HRAS: variants seen among roughly 807,000 people sequenced by gnomAD.
HRAS encodes GTPase HRas.
In HRAS, 11 loss-of-function variants were observed where a neutral mutation model predicts 19.8. The ratio of observed to expected loss-of-function variants is 0.55; its 90% CI spans 0.35 to 0.92. HRAS has a LOEUF of 0.92. Among genes scored for constraint, HRAS ranks in the 40% least tolerant of loss-of-function variants. The pLI is 0.01. For missense variants in HRAS, 204 were observed against 255.9 expected (o/e 0.80, Z 1.38); for synonymous variants, 149 against 105.5 (o/e 1.41, Z -2.52).
Position 535,318 on chromosome 11 carries a change from C to T in HRAS, c.-54+98G>A, listed in dbSNP as rs1489282748. On this transcript the variant is annotated intron_variant, in intron 1 of 5. Coordinates refer to ENST00000311189, the MANE Select transcript of HRAS (RefSeq NM_005343.4). ...CCGCCGCCGCCGCCGCCGCCGCTTA[C>T]GCCCGCCGGCCCCGCGCCCCCGGCC... 3.1e-4 allele frequency: 45 copies of T among 146,154 alleles called. No homozygotes were observed. In the East Asian group the frequency reaches 6.4e-3, roughly 21 times the overall value. 9.1% of individuals were successfully genotyped at this position (146,154 alleles called of 1,614,324 possible). A position where few individuals can be genotyped will look rare whatever the true frequency, so the allele number is the denominator to read the frequency against.
chr11:534,399 C>G (rs1411050985), intron 1 of HRAS, 24 bp from the exon 2 acceptor site: 3 of 1,141,840 alleles, frequency 2.6e-6, no homozygotes, highest in Non-Finnish European at 3.8e-6. Context: ...CCCTGCTCAG[C>G]CAGGCCCAGG....
chr11:534,098 G>C, intron 2 of HRAS, 114 bp downstream of exon 2: 2 of 1,168,172 alleles, frequency 1.7e-6, no homozygotes, highest in South Asian at 2.5e-5. Context: ...GGAAGCAGGA[G>C]ACAGGGCCAC....
At chr11:532,882 GC>G in intron 4 of HRAS, 127 bp from the exon 5 acceptor site, 1 of 912,924 alleles carries the variant, frequency 1.1e-6, no homozygotes, top group Non-Finnish European at 1.8e-6. Context: ...ACTTCCCCAG[GC>G]CCACCACACA....
At chr11:534,006 C>T (rs992133771) in intron 2 of HRAS, 62 bp from the exon 3 acceptor site, 7 of 1,549,308 alleles carry the variant, frequency 4.5e-6, no homozygotes, top group South Asian at 1.1e-5. Context: ...TTCACACAGC[C>T]AGCCTCTCCC....
Position 533,907 on chromosome 11 carries a change from G to C in HRAS, c.149C>G (p.Thr50Arg), listed in dbSNP as rs1448375861. ...YRKQVVIDGE[T>R]CLLDILDTAG... ...GGTATCCAGGATGTCCAACAGGCAC[G>C]TCTCCCCATCAATGACCACCTGCTT... Residue 50 changes from threonine (T) to arginine (R), a missense_variant, in exon 3 of 6, where the codon ACG (threonine) becomes AGG (arginine). Physicochemically the swap from Thr to Arg is moderately conservative, Grantham distance 71. Coordinates refer to ENST00000311189, the MANE Select transcript of HRAS (RefSeq NM_005343.4). The C allele has an allele frequency of 6.2e-7, 1 of 1,613,084 alleles. No individual in the cohort carries two copies. Among genetic ancestry groups the C allele is most frequent in the Non-Finnish European group, 8.5e-7 (1 of 1,179,994 alleles).
rs942968261 is a variant in HRAS at position 532,323 on chromosome 11, G to C, written c.*205C>G. The C allele has an allele frequency of 2.3e-5, 12 of 512,248 alleles. No homozygotes were observed. The highest frequency in any genetic ancestry group is 4.3e-5 in the Non-Finnish European group (12 of 280,996). 31.7% of individuals were successfully genotyped at this position (512,248 alleles called of 1,614,324 possible). The stretch of plus-strand genomic sequence containing the variant: ...AGGCCTGGGAGGGGAGCTAAGGGCT[G>C]GGGTTCCGGTGGCATTTGGGATGTT... On this transcript the variant is annotated 3_prime_UTR_variant, in exon 6 of 6. Coordinates refer to ENST00000311189, the MANE Select transcript of HRAS (RefSeq NM_005343.4).
At position 532,455 on chromosome 11, in the gene HRAS, C is replaced by T. The variant is rs1405797450; in HGVS notation, c.*73G>A. The T allele has an allele frequency of 2.8e-5, 24 of 851,212 alleles. No individual in the cohort carries two copies. Among genetic ancestry groups the T allele is most frequent in the Non-Finnish European group, 3.3e-5 (18 of 551,956 alleles). The allele number at this position is 851,212 out of a possible 1,614,324, so 52.7% of individuals were successfully genotyped here. The stretch of plus-strand genomic sequence containing the variant: ...CCCTTCCTTCCTTCCTTGCTTCCGT[C>T]CTTCCTTCCTCCTCCTTCCGTCTGC... On this transcript the variant is annotated 3_prime_UTR_variant, in exon 6 of 6. Transcript: ENST00000311189.
At chr11:534,821 G>C (rs912094780) in intron 1 of HRAS, among the ~76,000 whole-genome samples, 1 of 152,198 alleles carries the variant, frequency 6.6e-6, no homozygotes, top group Non-Finnish European at 1.5e-5. Context: ...AGTATTTGCT[G>C]AGCGCCTACT....
chr11:532,829 G>T, intron 4 of HRAS, 74 bp from the exon 5 acceptor site: 1 of 1,488,548 alleles, frequency 6.7e-7, no homozygotes, highest in Non-Finnish European at 9.3e-7. Context: ...CCCTGCTGTG[G>T]GATCAAGCCT....
intron 4 of HRAS, 147 bp from the exon 5 acceptor site, chr11:532,902 G>A: frequency 2.4e-6 from 2 of 825,764 alleles, no homozygotes; most frequent in Admixed American, 2.0e-5. Context: ...CACACGGGAA[G>A]CTGGACTCTG....
chr11:533,073 A>G (rs1851204409), intron 4 of HRAS, among the ~76,000 whole-genome samples: 1 of 152,138 alleles, frequency 6.6e-6, no homozygotes, highest in Non-Finnish European at 1.5e-5. Flanking sequence ...TAGCCCCACT[A>G]AGACTCAGAA....
At chr11:533,084 C>T (rs569017871) in intron 4 of HRAS, among the ~76,000 whole-genome samples, 2 of 152,358 alleles carry the variant, frequency 1.3e-5, no homozygotes, top group Middle Eastern at 3.4e-3. Flanking sequence ...AGACTCAGAA[C>T]CAACAGGTGC....
At position 533,630 on chromosome 11, in the gene HRAS, A is replaced by G. The variant is rs758646567; in HGVS notation, c.291-18T>C. 9 of 1,613,548 alleles carry G rather than the reference A, an allele frequency of 5.6e-6. No individual in the cohort carries two copies. The highest frequency in any genetic ancestry group is 6.8e-6 in the Non-Finnish European group (8 of 1,179,938). On this transcript the variant is annotated intron_variant, in intron 3 of 5. Coordinates refer to ENST00000311189, the MANE Select transcript of HRAS (RefSeq NM_005343.4). ...TCTGCTCCCTGAGAGGTGGAAAGCG[A>G]GAGCTGGCTACGGGGGCTGCAGGCG...
rs552000625 is a variant in HRAS, at chr11:533,392, C to G, written c.450+61G>C. On this transcript the variant is annotated intron_variant, in intron 4 of 5. Coordinates refer to ENST00000311189, the MANE Select transcript of HRAS (RefSeq NM_005343.4). Reference sequence around the variant, plus strand: ...AGGGAGAGGGTCAGTGAGTGCTGCTCCCTGGCTGGGGCGGGGCGGGGCGGG... The same window carrying G: ...AGGGAGAGGGTCAGTGAGTGCTGCTGCCTGGCTGGGGCGGGGCGGGGCGGG... 4 of 1,609,110 alleles carry G rather than the reference C, an allele frequency of 2.5e-6. No individual in the cohort carries two copies. The South Asian group carries it at 4.4e-5, about 18-fold the overall frequency.
At chr11:534,509 C>G (rs908216468) in intron 1 of HRAS, 134 bp from the exon 2 acceptor site, 1 of 608,474 alleles carries the variant, frequency 1.6e-6, no homozygotes, top group African/African-American at 1.9e-5. Flanking sequence ...AGGACTGCAG[C>G]GTGCCTACCT....
At chr11:535,042 C>T (rs531544750) in intron 1 of HRAS, among the ~76,000 whole-genome samples, 4 of 152,232 alleles carry the variant, frequency 2.6e-5, no homozygotes, top group East Asian at 3.9e-4. Flanking sequence ...GCCTGGTCCG[C>T]GACCTGTGAT....
intron 3 of HRAS, 57 bp from the exon 4 acceptor site, chr11:533,669 G>C: frequency 6.2e-7 from 1 of 1,612,324 alleles, no homozygotes; most frequent in Non-Finnish European, 8.5e-7. Flanking sequence ...CGGCATCCAG[G>C]ACATGCGCAG....
chr11:533,661 G>A lies in HRAS; in HGVS notation c.291-49C>T, dbSNP rs375771499. The A allele has an allele frequency of 2.0e-5, 32 of 1,612,306 alleles. No homozygotes were observed. The African/African-American group carries it at 3.6e-4, about 18-fold the overall frequency. On this transcript the variant is annotated intron_variant, in intron 3 of 5. Transcript: ENST00000311189. The stretch of plus-strand genomic sequence containing the variant: ...GGCTACGGGGGCTGCAGGCGCAGCG[G>A]CATCCAGGACATGCGCAGAGAGGAC...
rs1396946557 is a variant in HRAS, at chr11:534,356, T to G, written c.-34A>C. The stretch of plus-strand genomic sequence containing the variant: ...AGGGGCCTGCGGCCCGGGGTCCTCC[T>G]ACAGGGTCTCCTGCCCCACCTGCCA... On this transcript the variant is annotated 5_prime_UTR_variant, in exon 2 of 6. Transcript: ENST00000311189. The G allele has an allele frequency of 9.7e-6, 15 of 1,549,956 alleles. No individual in the cohort carries two copies. The highest frequency in any genetic ancestry group is 1.3e-5 in the Non-Finnish European group (15 of 1,130,938).
Sources: allele counts gnomAD v4.1 joint callset (sites outside exome capture counted in the v4.1 genomes callset), GRCh38; gene constraint gnomAD v4.1.1; transcripts MANE v1.5; gene names NCBI Gene and HGNC (gene_info 2026-07-23, HGNC 2026-07-21).